The following RSU1 variants were observed in gnomAD, a reference collection of about 807,000 sequenced individuals.
RSU1 encodes Ras suppressor protein 1.
A neutral mutation model predicts 31.1 loss-of-function variants in RSU1; 26 were observed. The ratio of observed to expected loss-of-function variants is 0.84; its 90% confidence interval spans 0.61 to 1.16. The LOEUF (loss-of-function observed/expected upper bound fraction) is 1.16, where lower values mean the gene tolerates loss of function less well. RSU1 is among the 50% of genes most tolerant of loss of function. The pLI, the probability that RSU1 is intolerant of heterozygous loss-of-function variation, is 0.00. For synonymous variants in RSU1, 164 were observed against 136.3 expected (o/e 1.20, Z -1.41); for missense variants, 320 against 339.1 (o/e 0.94, Z 0.44).
At chr10:16,792,416 AGAGACGGGGTTTCATTACGTCGGC>A in intron 2 of RSU1, among the ~76,000 whole-genome samples, 1 of 152,190 alleles carries the variant, frequency 6.6e-6, no homozygotes, top group Non-Finnish European at 1.5e-5. Flanking sequence ...TATTTTTAAT[AGAGACGGGGTTTCATTACGTCGGC>A]CAAGCTGGTC....
intron 7 of RSU1, among the ~76,000 whole-genome samples, chr10:16,715,480 A>G (rs905183858): frequency 1.3e-5 from 2 of 152,136 alleles, no homozygotes; most frequent in Non-Finnish European, 2.9e-5. Context: ...TAATTCTTCT[A>G]TATGTTATTA....
intron 8 of RSU1, among the ~76,000 whole-genome samples, chr10:16,661,288 G>A (rs919541428): frequency 9.5e-4 from 6 of 6,288 alleles, no homozygotes; most frequent in Non-Finnish European, 1.6e-3. Context: ...TAGAGAGTGC[G>A]TGTGTGTGTG....
chr10:16,737,431 GA>G (rs910682392), intron 7 of RSU1, among the ~76,000 whole-genome samples: 4 of 150,612 alleles, frequency 2.7e-5, no homozygotes, highest in African/African-American at 4.9e-5. Context: ...CCAGAGACAA[GA>G]AAACACCCTT....
intron 7 of RSU1, among the ~76,000 whole-genome samples, chr10:16,699,872 G>A (rs1835752443): frequency 1.3e-5 from 2 of 152,196 alleles, no homozygotes; most frequent in Non-Finnish European, 1.5e-5. Flanking sequence ...TTCTGCAATT[G>A]CAAATTGGAT....
chr10:16,727,202 C>T (rs781459153), intron 7 of RSU1: 29 of 452,740 alleles, frequency 6.4e-5, no homozygotes, highest in Middle Eastern at 3.2e-4. Context: ...CTCACCTGGG[C>T]GGAAAGAGTG....
At chr10:16,594,001 G>T in intron 8 of RSU1, among the ~76,000 whole-genome samples, 1 of 152,338 alleles carries the variant, frequency 6.6e-6, no homozygotes. Flanking sequence ...AATAAGTACC[G>T]CTGATTAAAT....
chr10:16,702,844 T>C (rs1206180000), intron 7 of RSU1, among the ~76,000 whole-genome samples: 2 of 152,152 alleles, frequency 1.3e-5, no homozygotes, highest in African/African-American at 2.4e-5. Context: ...ATACAAGATT[T>C]GGAGGGGCCA....
chr10:16,719,538 C>T (rs1242637375), intron 7 of RSU1, among the ~76,000 whole-genome samples: 1 of 152,206 alleles, frequency 6.6e-6, no homozygotes. Context: ...TGGATGTCTC[C>T]ACTAAAAGTT....
chr10:16,646,504 C>G (rs1389889715), intron 8 of RSU1, among the ~76,000 whole-genome samples: 3 of 152,274 alleles, frequency 2.0e-5, no homozygotes, highest in African/African-American at 7.2e-5. Context: ...CAGAATCAAA[C>G]CCTTCCACCC....
At chr10:16,795,296 G>A (rs1253096277) in intron 2 of RSU1, among the ~76,000 whole-genome samples, 2 of 144,896 alleles carry the variant, frequency 1.4e-5, no homozygotes, top group African/African-American at 5.2e-5. Context: ...AGTGGTTGCA[G>A]TGAGCCGAGA....
chr10:16,747,172 C>T (rs78934267), intron 7 of RSU1, among the ~76,000 whole-genome samples: 7,777 of 152,230 alleles, frequency 0.051, 235 homozygotes, highest in Middle Eastern at 0.071. Context: ...TTAACATCCT[C>T]GATCCTTCTG....
intron 7 of RSU1, among the ~76,000 whole-genome samples, chr10:16,729,256 G>C (rs982110779): frequency 1.3e-5 from 2 of 152,134 alleles, no homozygotes; most frequent in African/African-American, 2.4e-5. Context: ...CTTACACAAG[G>C]CTAGGAAACA....
intron 7 of RSU1, among the ~76,000 whole-genome samples, chr10:16,724,575 A>T (rs1588495145): frequency 6.6e-6 from 1 of 152,238 alleles, no homozygotes; most frequent in African/African-American, 2.4e-5. Flanking sequence ...AGCAGTGGGT[A>T]TCCCCAGAGA....
chr10:16,673,551 C>G (rs543859581), intron 8 of RSU1, among the ~76,000 whole-genome samples: 4 of 152,138 alleles, frequency 2.6e-5, no homozygotes, highest in Non-Finnish European at 5.9e-5. Flanking sequence ...GAAGCCCTGT[C>G]TTGACAGGAT....
chr10:16,774,646 T>C (rs1837491800), intron 3 of RSU1, among the ~76,000 whole-genome samples: 1 of 152,218 alleles, frequency 6.6e-6, no homozygotes, highest in Non-Finnish European at 1.5e-5. Context: ...CATCCGATTC[T>C]GGAGTTTCTA....
chr10:16,687,116 T>G (rs1835454140), intron 8 of RSU1, among the ~76,000 whole-genome samples: 1 of 152,164 alleles, frequency 6.6e-6, no homozygotes, highest in African/African-American at 2.4e-5. Flanking sequence ...ATTTTCCAAG[T>G]CTTTATTTGC....
chr10:16,628,977 C>T (rs564375964), intron 8 of RSU1, among the ~76,000 whole-genome samples: 15 of 152,330 alleles, frequency 9.8e-5, no homozygotes, highest in Non-Finnish European at 1.9e-4. Context: ...ATTTTCATCC[C>T]TCCTCACTGT....
chr10:16,697,987 C>CTTTTTTTTT lies in RSU1; in HGVS notation c.599-2841_599-2833dup, dbSNP rs67816326. Among the ~76,000 whole-genome samples the CTTTTTTTTT allele has an allele frequency of 5.1e-4, 51 of 99,564 alleles. 3 individuals are homozygous for CTTTTTTTTT. Among genetic ancestry groups the CTTTTTTTTT allele is most frequent in the East Asian group, 4.3e-3 (13 of 2,996 alleles). The allele number at this position is 99,564 out of a possible 152,430, so 65.3% of individuals were successfully genotyped here. A position where few individuals can be genotyped will look rare whatever the true frequency, so the allele number is the denominator to read the frequency against. On this transcript the variant is annotated intron_variant, in intron 7 of 8. Coordinates refer to ENST00000345264, the MANE Select transcript of RSU1 (RefSeq NM_012425.4). Reference sequence around the variant, plus strand: ...CAGAGGGGTGATTGCAGGAACACACCTTTTTTTTTTTTTTTTTTTTTTTTT... The same window carrying CTTTTTTTTT: ...CAGAGGGGTGATTGCAGGAACACACCTTTTTTTTTTTTTTTTTTTTTTTTTTTTTTTTTT...
intron 7 of RSU1, among the ~76,000 whole-genome samples, chr10:16,746,024 C>T (rs917977669): frequency 3.9e-5 from 6 of 152,066 alleles, no homozygotes; most frequent in Non-Finnish European, 5.9e-5. Context: ...TCTTAATGTC[C>T]ACAGGAAAAG....
Sources: allele counts gnomAD v4.1 joint callset (sites outside exome capture counted in the v4.1 genomes callset), GRCh38; gene constraint gnomAD v4.1.1; transcripts MANE v1.5; gene names NCBI Gene and HGNC (gene_info 2026-07-23, HGNC 2026-07-21).